HMGXB3: variants seen among roughly 807,000 people sequenced by gnomAD.
HMGXB3 encodes HMG domain-containing protein 3.
In HMGXB3, 45 loss-of-function variants were observed where a neutral mutation model predicts 121.5. The ratio of observed to expected loss-of-function variants is 0.37; its 90% CI spans 0.29 to 0.47. HMGXB3 has a LOEUF of 0.47. Among genes scored for constraint, HMGXB3 ranks in the 20% least tolerant of loss-of-function variants. The pLI is 0.99. For missense variants in HMGXB3, 1,376 were observed against 1,602.2 expected, an observed-to-expected ratio of 0.86 and a Z score of 2.41; for synonymous variants, 590 against 624.1, an observed-to-expected ratio of 0.95 and a Z score of 0.81.
Position 150,050,304 on chromosome 5 carries a change from T to A in HMGXB3, c.3254T>A (p.Val1085Glu). Reference protein sequence around the residue: ...LVRGESARDHVDLLASSRHWP... With the variant: ...LVRGESARDHEDLLASSRHWP... ...CGAGGTGAGAGTGCCCGTGACCATG[T>A]GGACCTGCTTGCCTCTTCCCGCCAC... The change falls in exon 19 of 20, where the codon GTG (valine) becomes GAG (glutamate). Residue 1085 changes from valine to glutamate, a missense_variant. Transcript: ENST00000502717. 1 of 1,551,820 alleles carries A rather than the reference T, an allele frequency of 6.4e-7. No homozygotes were observed. The highest frequency in any genetic ancestry group is 8.7e-7 in the Non-Finnish European group (1 of 1,147,012).
intron 5 of HMGXB3, among the ~76,000 whole-genome samples, chr5:150,012,859 A>T (rs1408996252): frequency 6.6e-6 from 1 of 152,234 alleles, no homozygotes; most frequent in East Asian, 1.9e-4. Flanking sequence ...ACACTATTAT[A>T]AATGGCATTT....
chr5:150,021,888 C>T (rs912339289), intron 6 of HMGXB3: 25 of 510,916 alleles, frequency 4.9e-5, no homozygotes, highest in African/African-American at 4.6e-4. Context: ...ACCTCCAGCT[C>T]CATGGGTGTT....
intron 6 of HMGXB3, among the ~76,000 whole-genome samples, chr5:150,023,273 G>T (rs1756144823): frequency 6.6e-6 from 1 of 152,128 alleles, no homozygotes; most frequent in African/African-American, 2.4e-5. Flanking sequence ...GTGCAGGGAG[G>T]TCCTACACAC....
intron 15 of HMGXB3, among the ~76,000 whole-genome samples, chr5:150,045,188 G>A (rs935600274): frequency 6.6e-6 from 1 of 152,164 alleles, no homozygotes; most frequent in Non-Finnish European, 1.5e-5. Context: ...CACTTTCTTT[G>A]TAAGACAGGG....
intron 7 of HMGXB3, among the ~76,000 whole-genome samples, chr5:150,026,358 A>G (rs1245578433): frequency 2.0e-5 from 3 of 152,232 alleles, no homozygotes; most frequent in Non-Finnish European, 4.4e-5. Context: ...AGCTGCTGTC[A>G]TAAGTATATG....
At chr5:150,019,196 T>C (rs1756028898) in intron 6 of HMGXB3, among the ~76,000 whole-genome samples, 2 of 152,212 alleles carry the variant, frequency 1.3e-5, no homozygotes, top group African/African-American at 4.8e-5. Context: ...CTTTAAATAG[T>C]CTTCAAAATA....
At chr5:150,017,257 T>C (rs1311482825) in intron 5 of HMGXB3, among the ~76,000 whole-genome samples, 1 of 152,216 alleles carries the variant, frequency 6.6e-6, no homozygotes, top group East Asian at 1.9e-4. Context: ...GAAACTAACC[T>C]ATCTTAAATT....
intron 2 of HMGXB3, among the ~76,000 whole-genome samples, chr5:150,005,596 C>T (rs1199783290): frequency 9.6e-6 from 1 of 103,842 alleles, no homozygotes; most frequent in Non-Finnish European, 1.9e-5. Flanking sequence ...CGAAACTCCT[C>T]TCAAAAAAAA....
In HMGXB3 at chr5:150,050,374, G is replaced by T; in HGVS notation, c.3324G>T (p.Leu1108=). 3 of 1,551,782 alleles carry T rather than the reference G, an allele frequency of 1.9e-6. No individual in the cohort carries two copies. Among genetic ancestry groups the T allele is most frequent in the Non-Finnish European group, 2.6e-6 (3 of 1,146,990 alleles). The part of the protein sequence containing the change: ...YVVDMATSVA[L]CADLCYPELT... ...TAGATATGGCCACGTCAGTGGCCCT[G>T]TGTGCTGACCTCTGCTACCCAGAGC... The change falls in exon 19 of 20, where the codon CTG becomes CTT. Residue 1108 remains leucine (L), a synonymous_variant. Transcript: ENST00000502717.
intron 15 of HMGXB3, among the ~76,000 whole-genome samples, chr5:150,042,629 G>A (rs1007177937): frequency 6.6e-6 from 1 of 152,128 alleles, no homozygotes; most frequent in Non-Finnish European, 1.5e-5. Flanking sequence ...GTGGTGGGGT[G>A]TATGAGGTCC....
intron 9 of HMGXB3, among the ~76,000 whole-genome samples, chr5:150,028,860 C>T (rs1756308342): frequency 2.0e-5 from 3 of 151,968 alleles, no homozygotes; most frequent in African/African-American, 7.2e-5. Context: ...AGGCATTAGC[C>T]ACCTCCCCAG....
chr5:150,003,435 T>G (rs1755624745), intron 1 of HMGXB3, among the ~76,000 whole-genome samples: 1 of 152,032 alleles, frequency 6.6e-6, no homozygotes, highest in Non-Finnish European at 1.5e-5. Flanking sequence ...GTTAAGCATC[T>G]CAGACACAGA....
chr5:150,030,918 G>A, intron 10 of HMGXB3, 79 bp downstream of exon 10: 1 of 999,768 alleles, frequency 1.0e-6, no homozygotes. Flanking sequence ...AGGAGGCTGG[G>A]GGAGAGGGTG....
At chr5:150,046,006 G>A (rs536855170) in intron 16 of HMGXB3, among the ~76,000 whole-genome samples, 161 of 152,346 alleles carry the variant, frequency 1.1e-3, no homozygotes, top group Admixed American at 6.1e-3. Flanking sequence ...TTGAGCAAGT[G>A]TAGGGGCAGG....
chr5:150,019,915 A>C (rs888948688), intron 6 of HMGXB3, among the ~76,000 whole-genome samples: 1 of 152,212 alleles, frequency 6.6e-6, no homozygotes, highest in African/African-American at 2.4e-5. Flanking sequence ...TCAGGGTAGC[A>C]CTAATTCCAG....
In HMGXB3 at chr5:150,010,122, C is replaced by T. The variant is rs1755793254; in HGVS notation, c.324C>T (p.Leu108=). 6.4e-7 allele frequency: 1 copy of T among 1,551,220 alleles called. No homozygotes were observed. The highest frequency in any genetic ancestry group is 1.4e-5 in the African/African-American group (1 of 73,156). ...EKEGLDPNSK[L]SALTAVVPDI... ...TTCCTCATCCTCAGAACTCTAAGCT[C>T]TCTGCACTGACTGCTGTGGTTCCGG... The change falls in exon 4 of 20, where the codon CTC becomes CTT. Residue 108 remains leucine, a synonymous_variant. Coordinates refer to ENST00000502717, the MANE Select transcript of HMGXB3 (RefSeq NM_014983.3).
chr5:150,041,126 C>A lies in HMGXB3; in HGVS notation c.2545+247C>A, dbSNP rs186853246. On this transcript the variant is annotated intron_variant, in intron 14 of 19. Coordinates refer to ENST00000502717, the MANE Select transcript of HMGXB3 (RefSeq NM_014983.3). ...AGATTACGAGTGACTTGTAGAAGTA[C>A]CTTCTTTGGTCATAGGGAGACTTGG... 1.1e-4 allele frequency among the ~76,000 whole-genome samples: 16 copies of A among 152,308 alleles called. No individual in the cohort carries two copies. In the East Asian group the frequency reaches 2.9e-3, roughly 28 times the overall value.
intron 2 of HMGXB3, among the ~76,000 whole-genome samples, chr5:150,005,611 A>G (rs1176495404): frequency 6.6e-6 from 1 of 151,498 alleles, no homozygotes; most frequent in African/African-American, 2.4e-5. Context: ...AAAAAAAAAA[A>G]AAAGAAAAGA....
intron 7 of HMGXB3, 121 bp from the exon 8 acceptor site, chr5:150,026,585 G>A: frequency 2.5e-6 from 2 of 814,288 alleles, no homozygotes; most frequent in East Asian, 2.7e-5. Flanking sequence ...AACTCAATCT[G>A]TCTAAAGCTT....
Sources: allele counts gnomAD v4.1 joint callset (sites outside exome capture counted in the v4.1 genomes callset), GRCh38; gene constraint gnomAD v4.1.1; transcripts MANE v1.5; gene names NCBI Gene and HGNC (gene_info 2026-07-23, HGNC 2026-07-21).